The following RDH12 variants were observed in gnomAD, a reference collection of about 807,000 sequenced individuals.
The protein encoded by RDH12 is all-trans and 9-cis retinol dehydrogenase.
A neutral mutation model predicts 34.0 loss-of-function variants in RDH12; 21 were observed. The ratio of observed to expected loss-of-function variants is 0.62; its 90% CI spans 0.44 to 0.89. The LOEUF (loss-of-function observed/expected upper bound fraction) is 0.89, where lower values mean the gene tolerates loss of function less well. RDH12 is among the 40% of genes least tolerant of loss of function. The pLI is 0.00. For synonymous variants in RDH12, 198 were observed against 169.9 expected (o/e 1.17, Z -1.29); for missense variants, 394 against 398.6 (o/e 0.99, Z 0.10).
rs1295888483 is a variant in RDH12, at chr14:67,734,096, G to C, written c.*248G>C. 5.2e-6 allele frequency: 2 copies of C among 387,198 alleles called. No homozygotes were observed. Among genetic ancestry groups the C allele is most frequent in the South Asian group, 2.1e-5 (1 of 47,272 alleles). 24.0% of individuals were successfully genotyped at this position (387,198 alleles called of 1,614,324 possible). ...GACCTGGAAAGTCAGCAACCCTCTG[G>C]GGGCAGCAGGACTGGGCAGATCCCA... On this transcript the variant is annotated 3_prime_UTR_variant, in exon 9 of 9. Transcript: ENST00000551171.
intron 8 of RDH12, among the ~76,000 whole-genome samples, chr14:67,731,847 C>T (rs538489018): frequency 6.3e-4 from 96 of 151,914 alleles, no homozygotes; most frequent in African/African-American, 2.3e-3. Context: ...AAAAATTTTG[C>T]CAGGTGCAGT....
chr14:67,720,099 A>G (rs562158515), intron 1 of RDH12, among the ~76,000 whole-genome samples: 117 of 152,316 alleles, frequency 7.7e-4, no homozygotes, highest in African/African-American at 2.7e-3. Flanking sequence ...ATCATACTAC[A>G]ATCTTTTTGA....
chr14:67,728,908 T>C (rs970638406), intron 7 of RDH12, among the ~76,000 whole-genome samples: 2 of 152,232 alleles, frequency 1.3e-5, no homozygotes, highest in Non-Finnish European at 2.9e-5. Context: ...TTGTCATGTT[T>C]ATTAGTAGTA....
intron 1 of RDH12, among the ~76,000 whole-genome samples, chr14:67,704,149 A>G (rs2037928537): frequency 6.6e-6 from 1 of 152,098 alleles, no homozygotes; most frequent in African/African-American, 2.4e-5. Context: ...TGAGGGAAGG[A>G]AATGTGTGTA....
chr14:67,728,845 CT>C (rs1485381858), intron 7 of RDH12, among the ~76,000 whole-genome samples: 1 of 152,072 alleles, frequency 6.6e-6, no homozygotes, highest in Non-Finnish European at 1.5e-5. Flanking sequence ...TAAACTCCTC[CT>C]TTAGAAATGA....
chr14:67,729,249 G>T lies in RDH12; in HGVS notation c.717G>T (p.Arg239=). Residue 239 remains arginine, a synonymous_variant, in exon 8 of 9, where the codon CGG becomes CGT. Transcript: ENST00000551171. ...HPGVVRSELV[R]HSSLLCLLWR... is the part of the protein sequence containing the mutation. ...GCGTCGTCCGCTCTGAGCTGGTCCGGCACTCCTCCCTGCTCTGCCTGCTCT... is the reference window on the plus strand; with the variant it reads ...GCGTCGTCCGCTCTGAGCTGGTCCGTCACTCCTCCCTGCTCTGCCTGCTCT... The T allele has an allele frequency of 6.2e-7, 1 of 1,609,798 alleles. No individual in the cohort carries two copies. The highest frequency in any genetic ancestry group is 8.5e-7 in the Non-Finnish European group (1 of 1,179,992).
intron 1 of RDH12, among the ~76,000 whole-genome samples, chr14:67,720,235 T>C (rs2038108591): frequency 6.6e-6 from 1 of 152,256 alleles, no homozygotes; most frequent in East Asian, 1.9e-4. Context: ...ATTGGGTTGT[T>C]ATTCCTTTTC....
At chr14:67,710,278 A>T (rs1392077078) in intron 1 of RDH12, among the ~76,000 whole-genome samples, 1 of 152,150 alleles carries the variant, frequency 6.6e-6, no homozygotes, top group African/African-American at 2.4e-5. Context: ...CCTGTCTGAG[A>T]TTTTCTGGGT....
rs548814328 is a variant in RDH12, at chr14:67,708,911, G to A, written c.-275+6976G>A. ...AGGTTCAAGTGATTCTCCTGCCTCA[G>A]CCTCACGAGTAGCTGGGACTACAGG... On this transcript the variant is annotated intron_variant, in intron 1 of 8. Coordinates refer to ENST00000551171, the MANE Select transcript of RDH12 (RefSeq NM_152443.3). Among the ~76,000 whole-genome samples, 3 of 151,460 alleles carry A rather than the reference G, an allele frequency of 2.0e-5. No individual in the cohort carries two copies. In the East Asian group the frequency reaches 5.9e-4, roughly 30 times the overall value.
At chr14:67,708,417 G>A (rs2037973476) in intron 1 of RDH12, among the ~76,000 whole-genome samples, 1 of 152,050 alleles carries the variant, frequency 6.6e-6, no homozygotes, top group African/African-American at 2.4e-5. Flanking sequence ...CTGCATTTAA[G>A]AACACCTGTT....
intron 1 of RDH12, among the ~76,000 whole-genome samples, chr14:67,704,916 G>A (rs117569446): frequency 6.6e-6 from 1 of 152,164 alleles, no homozygotes; most frequent in African/African-American, 2.4e-5. Context: ...CACTCAGCAG[G>A]GGCATCTAAG....
intron 8 of RDH12, chr14:67,729,603 G>A (rs547475379): frequency 3.2e-6 from 2 of 630,938 alleles, no homozygotes; most frequent in Non-Finnish European, 2.8e-6. Flanking sequence ...CTCGTGTGCC[G>A]CTTTTCCATG....
At position 67,729,231 on chromosome 14, in the gene RDH12, C is replaced by T; in HGVS notation, c.699C>T (p.Val233=). Residue 233 remains valine, a synonymous_variant, in exon 8 of 9, where the codon GTC becomes GTT. Transcript: ENST00000551171. ...CCTACGCAGTGCACCCAGGCGTCGT[C>T]CGCTCTGAGCTGGTCCGGCACTCCT... ...VTTYAVHPGV[V]RSELVRHSSL... 6.2e-7 allele frequency: 1 copy of T among 1,611,476 alleles called. No individual in the cohort carries two copies. Among genetic ancestry groups the T allele is most frequent in the Non-Finnish European group, 8.5e-7 (1 of 1,180,016 alleles).
At chr14:67,707,483 C>T (rs1382818377) in intron 1 of RDH12, among the ~76,000 whole-genome samples, 1 of 152,092 alleles carries the variant, frequency 6.6e-6, no homozygotes, top group African/African-American at 2.4e-5. Context: ...GGCTGGAGTG[C>T]AGTGGCGTGA....
chr14:67,713,994 G>A (rs779803951), intron 1 of RDH12, among the ~76,000 whole-genome samples: 6 of 152,144 alleles, frequency 3.9e-5, no homozygotes. Context: ...TAGAATGGGA[G>A]GCAGGTTTGC....
At chr14:67,710,999 G>GC (rs1482809345) in intron 1 of RDH12, among the ~76,000 whole-genome samples, 1 of 152,028 alleles carries the variant, frequency 6.6e-6, no homozygotes, top group Non-Finnish European at 1.5e-5. Context: ...AACTTAACTG[G>GC]CCCCATCTTG....
intron 1 of RDH12, among the ~76,000 whole-genome samples, chr14:67,709,602 C>T (rs2037987818): frequency 6.6e-6 from 1 of 152,144 alleles, no homozygotes; most frequent in Non-Finnish European, 1.5e-5. Context: ...TCTCACATGC[C>T]CATCTCTTCT....
chr14:67,725,889 A>G (rs1209227365), intron 5 of RDH12, among the ~76,000 whole-genome samples, 162 bp from the exon 6 acceptor site: 1 of 152,240 alleles, frequency 6.6e-6, no homozygotes, highest in Non-Finnish European at 1.5e-5. Context: ...CTGAGGCAAT[A>G]CCTTGTTTTA....
intron 1 of RDH12, among the ~76,000 whole-genome samples, chr14:67,705,754 T>G (rs1485812145): frequency 6.6e-6 from 1 of 152,220 alleles, no homozygotes; most frequent in Non-Finnish European, 1.5e-5. Context: ...CAATTTTTTG[T>G]AATATTTCAA....
Sources: gnomAD v4.1 joint callset for allele counts (sites outside exome capture counted in the v4.1 genomes callset) on GRCh38, gnomAD v4.1.1 for gene constraint, MANE v1.5 for transcripts, NCBI Gene and HGNC (gene_info 2026-07-23, HGNC 2026-07-21) for gene names.